Variants in TSHZ2 observed in about 807,000 individuals in gnomAD.
TSHZ2 encodes the protein teashirt homolog 2.
A neutral mutation model predicts 74.4 loss-of-function variants in TSHZ2; 21 were observed. The ratio of observed to expected loss-of-function variants is 0.28; its 90% confidence interval spans 0.20 to 0.41. The LOEUF is 0.41. Among genes scored for constraint, TSHZ2 ranks in the 10% least tolerant of loss-of-function variants. The pLI, the probability that TSHZ2 is intolerant of heterozygous loss-of-function variation, is 1.00. For missense variants in TSHZ2, 1,244 were observed against 1,293.5 expected, an observed-to-expected ratio of 0.96 and a Z score of 0.59; for synonymous variants, 540 against 515.3, an observed-to-expected ratio of 1.05 and a Z score of -0.65.
At chr20:53,435,658 C>T (rs1032221591) in intron 2 of TSHZ2, among the ~76,000 whole-genome samples, 4 of 152,082 alleles carry the variant, frequency 2.6e-5, no homozygotes, top group African/African-American at 9.7e-5. Flanking sequence ...GGATTACAGG[C>T]GCGTGTCACC....
chr20:53,456,088 G>C (rs1985064838), intron 2 of TSHZ2, among the ~76,000 whole-genome samples: 1 of 152,030 alleles, frequency 6.6e-6, no homozygotes, highest in African/African-American at 2.4e-5. Flanking sequence ...TAATGGGATG[G>C]CTGGGTCAAA....
At chr20:53,140,693 A>G (rs571899515) in intron 1 of TSHZ2, among the ~76,000 whole-genome samples, 1 of 152,220 alleles carries the variant, frequency 6.6e-6, no homozygotes, top group South Asian at 2.1e-4. Flanking sequence ...GTATTATCTC[A>G]TGACCCAAAC....
chr20:53,385,161 T>G (rs1158181883), intron 2 of TSHZ2, among the ~76,000 whole-genome samples: 1 of 151,762 alleles, frequency 6.6e-6, no homozygotes, highest in African/African-American at 2.4e-5. Context: ...AAATAAAACA[T>G]AAAGGAGTCA....
chr20:53,287,233 G>GA (rs1991185496), intron 2 of TSHZ2, among the ~76,000 whole-genome samples: 1 of 152,122 alleles, frequency 6.6e-6, no homozygotes. Context: ...TATATTTATT[G>GA]AAAAATTACA....
chr20:53,412,911 G>A (rs565462502), intron 2 of TSHZ2: 1 of 152,242 alleles, frequency 6.6e-6, no homozygotes, highest in Non-Finnish European at 1.5e-5. Context: ...TTGGAGCTAG[G>A]GACCAGGGCT....
intron 2 of TSHZ2, among the ~76,000 whole-genome samples, chr20:53,383,274 G>GA (rs1321803658): frequency 7.0e-6 from 1 of 142,924 alleles, no homozygotes; most frequent in Admixed American, 6.7e-5. Flanking sequence ...AAAAAAAAAA[G>GA]AAAAAAAGAA....
At chr20:53,196,876 C>T (rs1319852231) in intron 1 of TSHZ2, among the ~76,000 whole-genome samples, 1 of 152,248 alleles carries the variant, frequency 6.6e-6, no homozygotes, top group Non-Finnish European at 1.5e-5. Flanking sequence ...GATGCATACA[C>T]ATTAATCCAC....
chr20:53,357,990 G>A (rs1980907582), intron 2 of TSHZ2, among the ~76,000 whole-genome samples: 1 of 152,120 alleles, frequency 6.6e-6, no homozygotes, highest in Admixed American at 6.6e-5. Flanking sequence ...CTAAACTAAG[G>A]CTAGACTTTC....
At chr20:53,112,153 G>A (rs1398414894) in intron 1 of TSHZ2, among the ~76,000 whole-genome samples, 6 of 152,236 alleles carry the variant, frequency 3.9e-5, no homozygotes, top group Non-Finnish European at 8.8e-5. Context: ...GTAGGGCCCA[G>A]GTCACCAGAG....
intron 2 of TSHZ2, among the ~76,000 whole-genome samples, chr20:53,376,000 G>A (rs1203470122): frequency 6.6e-6 from 1 of 152,208 alleles, no homozygotes; most frequent in Non-Finnish European, 1.5e-5. Context: ...TTACCAAGAA[G>A]TACAAAATGT....
chr20:53,340,664 C>A (rs1980161760), intron 2 of TSHZ2, among the ~76,000 whole-genome samples: 1 of 152,220 alleles, frequency 6.6e-6, no homozygotes, highest in African/African-American at 2.4e-5. Flanking sequence ...TTCACAGTTT[C>A]ACTTAGATTC....
At chr20:53,424,524 G>T (rs1983591192) in intron 2 of TSHZ2, among the ~76,000 whole-genome samples, 1 of 151,916 alleles carries the variant, frequency 6.6e-6, no homozygotes, top group Non-Finnish European at 1.5e-5. Context: ...TTTCATACCT[G>T]GGCACATATG....
At chr20:53,183,228 G>C (rs985634843) in intron 1 of TSHZ2, among the ~76,000 whole-genome samples, 1 of 152,174 alleles carries the variant, frequency 6.6e-6, no homozygotes, top group Non-Finnish European at 1.5e-5. Context: ...TACGGGCAAA[G>C]CTCTCAAGAT....
intron 2 of TSHZ2, among the ~76,000 whole-genome samples, chr20:53,441,535 C>G (rs980577173): frequency 2.6e-5 from 4 of 151,968 alleles, no homozygotes; most frequent in African/African-American, 9.7e-5. Flanking sequence ...ATCCGCCCAC[C>G]TCGGCCTCCC....
intron 2 of TSHZ2, among the ~76,000 whole-genome samples, chr20:53,339,184 T>G (rs1980077973): frequency 6.6e-6 from 1 of 152,202 alleles, no homozygotes; most frequent in South Asian, 2.1e-4. Flanking sequence ...TTAATTTATA[T>G]TTCCAGTCCC....
intron 1 of TSHZ2, among the ~76,000 whole-genome samples, chr20:53,205,889 T>C (rs1405996557): frequency 6.6e-6 from 1 of 152,174 alleles, no homozygotes; most frequent in African/African-American, 2.4e-5. Flanking sequence ...GGTGAAGCCA[T>C]TTACATTCTT....
At chr20:53,209,055 T>C (rs1461480459) in intron 1 of TSHZ2, among the ~76,000 whole-genome samples, 1 of 152,178 alleles carries the variant, frequency 6.6e-6, no homozygotes, top group Non-Finnish European at 1.5e-5. Context: ...AAAAAGACAT[T>C]TCCAAAACAA....
chr20:53,012,546 G>T (rs1049982107), intron 1 of TSHZ2, among the ~76,000 whole-genome samples: 1 of 152,110 alleles, frequency 6.6e-6, no homozygotes, highest in African/African-American at 2.4e-5. Flanking sequence ...AGAACCCCAA[G>T]CAGCTGGGCC....
At chr20:53,157,406 G>GT (rs369371699) in intron 1 of TSHZ2, among the ~76,000 whole-genome samples, 53,268 of 134,734 alleles carry the variant, frequency 0.4, 10,985 homozygotes, top group African/African-American at 0.54. Context: ...CATTGAGTTG[G>GT]TTTTTTTTTT....
Sources: gnomAD v4.1 joint callset for allele counts (sites outside exome capture counted in the v4.1 genomes callset) on GRCh38, gnomAD v4.1.1 for gene constraint, MANE v1.5 for transcripts, NCBI Gene and HGNC (gene_info 2026-07-23, HGNC 2026-07-21) for gene names.